PTGER3: variants seen among roughly 807,000 people sequenced by gnomAD.
PTGER3 encodes prostaglandin E receptor 3.
In PTGER3, 22 loss-of-function variants were observed where a neutral mutation model predicts 34.7. The ratio of observed to expected loss-of-function variants is 0.63; its 90% CI spans 0.45 to 0.91. The LOEUF is 0.91. PTGER3 is among the 40% of genes least tolerant of loss of function. The pLI is 0.00. For missense variants in PTGER3, 468 were observed against 519.4 expected (o/e 0.90, Z 0.96); for synonymous variants, 241 against 230.1 (o/e 1.05, Z -0.43).
chr1:70,865,760 T>C, intron 4 of PTGER3: 1 of 1,367,044 alleles, frequency 7.3e-7, no homozygotes, highest in Non-Finnish European at 9.8e-7. Flanking sequence ...AAAGGACAAA[T>C]CCAAGAACCA....
intron 2 of PTGER3, chr1:71,010,857 T>C (rs1337951110): frequency 3.0e-6 from 3 of 984,510 alleles, no homozygotes; most frequent in Non-Finnish European, 3.6e-6. Context: ...GATAGACATA[T>C]TGTACCTATC....
intron 2 of PTGER3, among the ~76,000 whole-genome samples, chr1:70,981,375 CTTTCTT>C (rs1654318089): frequency 1.0e-5 from 1 of 99,146 alleles, no homozygotes; most frequent in Non-Finnish European, 2.0e-5. Context: ...TTCTTTCTTT[CTTTCTT>C]TCTTTCTTTC....
At chr1:70,870,767 T>C (rs1443814000) in intron 4 of PTGER3, among the ~76,000 whole-genome samples, 6 of 152,232 alleles carry the variant, frequency 3.9e-5, no homozygotes. Flanking sequence ...TGCTAAGGAA[T>C]AACAAGGGTG....
chr1:70,923,546 C>A (rs1057291922), intron 4 of PTGER3, among the ~76,000 whole-genome samples: 3 of 152,122 alleles, frequency 2.0e-5, no homozygotes, highest in South Asian at 2.1e-4. Flanking sequence ...AGAGAAAAAT[C>A]TTTGAGAACA....
chr1:70,929,131 G>A (rs960550724), intron 4 of PTGER3, among the ~76,000 whole-genome samples: 4 of 152,094 alleles, frequency 2.6e-5, no homozygotes, highest in Admixed American at 2.0e-4. Flanking sequence ...GACTTCTGTG[G>A]CATTTTTAAA....
At chr1:70,964,310 A>G (rs139121067) in intron 2 of PTGER3, among the ~76,000 whole-genome samples, 3 of 152,244 alleles carry the variant, frequency 2.0e-5, no homozygotes, top group African/African-American at 4.8e-5. Context: ...CCACATTCTC[A>G]GGTGCCCTTT....
intron 2 of PTGER3, among the ~76,000 whole-genome samples, chr1:71,001,214 C>T (rs1656454915): frequency 6.6e-6 from 1 of 151,856 alleles, no homozygotes; most frequent in South Asian, 2.1e-4. Flanking sequence ...AAAAGAAATA[C>T]ACATTTGAGG....
At chr1:70,864,191 T>A (rs747573324) in intron 4 of PTGER3, among the ~76,000 whole-genome samples, 1 of 152,176 alleles carries the variant, frequency 6.6e-6, no homozygotes, top group Non-Finnish European at 1.5e-5. Context: ...ACTTCTAGTT[T>A]TTTTTTATAT....
At chr1:70,997,986 T>C (rs1656135145) in intron 2 of PTGER3, among the ~76,000 whole-genome samples, 1 of 152,246 alleles carries the variant, frequency 6.6e-6, no homozygotes, top group Admixed American at 6.5e-5. Context: ...GAACTCATTA[T>C]TGCTTAAGGT....
intron 2 of PTGER3, among the ~76,000 whole-genome samples, chr1:70,993,348 C>T (rs1655639318): frequency 6.6e-6 from 1 of 152,174 alleles, no homozygotes; most frequent in Non-Finnish European, 1.5e-5. Flanking sequence ...ATACATGGGA[C>T]ATGGGTGAAT....
rs966432580 is a variant in PTGER3 at position 70,971,824 on chromosome 1, T to A, written c.1170-91A>T. The A allele has an allele frequency of 3.6e-6, 3 of 839,492 alleles. No individual in the cohort carries two copies. The African/African-American group carries it at 5.3e-5, about 15-fold the overall frequency. The allele number at this position is 839,492 out of a possible 1,614,324, so 52.0% of individuals were successfully genotyped here. On this transcript the variant is annotated intron_variant, in intron 3 of 3. Transcript: ENST00000306666. ...TATGGTGTGAGGAGTAAAATATAAG[T>A]AATAAATTTGTTTGCTTTAAACGTT...
At position 70,965,343 on chromosome 1, in the gene PTGER3, G is replaced by A. The variant is rs74089195; in HGVS notation, c.1078-11554C>T. ...GCAGCAGGTGTGGAAAATGGATGGA[G>A]GGGCCAGGACCAGAAGAAAGACACC... On this transcript the variant is annotated intron_variant, in intron 2 of 3. Transcript: ENST00000356595. Among the ~76,000 whole-genome samples, 701 of 152,208 alleles carry A rather than the reference G, an allele frequency of 4.6e-3. 11 individuals carry two copies. The highest frequency in any genetic ancestry group is 0.016 in the African/African-American group (660 of 41,506).
intron 2 of PTGER3, among the ~76,000 whole-genome samples, chr1:71,002,692 C>A (rs142503484): frequency 6.6e-6 from 1 of 152,306 alleles, no homozygotes; most frequent in African/African-American, 2.4e-5. Flanking sequence ...GATTACACTT[C>A]ATGATATGCC....
downstream of PTGER3, among the ~76,000 whole-genome samples, chr1:70,948,129 C>T (rs1650390479): frequency 1.3e-5 from 2 of 152,200 alleles, no homozygotes; most frequent in African/African-American, 4.8e-5. Flanking sequence ...AACCAATGCT[C>T]TGCAAAACTA....
At chr1:70,861,093 A>G (rs983392540) in intron 4 of PTGER3, among the ~76,000 whole-genome samples, 4 of 152,196 alleles carry the variant, frequency 2.6e-5, no homozygotes, top group Non-Finnish European at 5.9e-5. Context: ...AATTAAGTTT[A>G]CTGGGCACCT....
downstream of PTGER3, among the ~76,000 whole-genome samples, chr1:70,969,022 C>G (rs1385590527): frequency 6.6e-6 from 1 of 152,008 alleles, no homozygotes; most frequent in Admixed American, 6.5e-5. Context: ...GCCTGGCCAA[C>G]ATGGTGAAAC....
At chr1:71,019,296 C>T (rs1323232241) in intron 1 of PTGER3, among the ~76,000 whole-genome samples, 2 of 152,140 alleles carry the variant, frequency 1.3e-5, no homozygotes, top group Non-Finnish European at 1.5e-5. Context: ...CACATATACC[C>T]TGCACTATTT....
rs1654949800 is a variant in PTGER3, at chr1:70,986,712, C to T, written c.1078-12324G>A. Among the ~76,000 whole-genome samples, 4 of 152,150 alleles carry T rather than the reference C, an allele frequency of 2.6e-5. No homozygotes were observed. The South Asian group carries it at 8.3e-4, about 32-fold the overall frequency. ...TTGACAAGCTGCCTCCCTTCAATTA[C>T]CTGCATTATCACAAGGGTATGTGAG... On this transcript the variant is annotated intron_variant, in intron 2 of 3. Transcript: ENST00000306666.
chr1:71,011,028 A>G (rs1353318601), intron 2 of PTGER3: 7 of 985,664 alleles, frequency 7.1e-6, no homozygotes, highest in Non-Finnish European at 8.4e-6. Flanking sequence ...TGAATGCACC[A>G]AAGAATATGG....
Sources: gnomAD v4.1 joint callset for allele counts (sites outside exome capture counted in the v4.1 genomes callset) on GRCh38, gnomAD v4.1.1 for gene constraint, MANE v1.5 for transcripts, NCBI Gene and HGNC (gene_info 2026-07-23, HGNC 2026-07-21) for gene names.